DMXL1: variants seen among roughly 807,000 people sequenced by gnomAD.
DMXL1 encodes dmX-like protein 1.
DMXL1 carries 99 observed loss-of-function variants against 319.2 expected under a neutral mutation model. The observed-to-expected ratio is 0.31, with a 90% CI of 0.26 to 0.37. The LOEUF (loss-of-function observed/expected upper bound fraction) is 0.37, where lower values mean the gene tolerates loss of function less well. Among genes scored for constraint, DMXL1 ranks in the 10% least tolerant of loss-of-function variants. The pLI, the probability that DMXL1 is intolerant of heterozygous loss-of-function variation, is 1.00. For missense variants in DMXL1, 3,745 were observed against 3,595.6 expected (o/e 1.04, Z -1.06); for synonymous variants, 1,385 against 1,235.2 (o/e 1.12, Z -2.54).
chr5:119,157,237 A>G (rs1771293194), intron 19 of DMXL1, among the ~76,000 whole-genome samples: 1 of 152,198 alleles, frequency 6.6e-6, no homozygotes, highest in Non-Finnish European at 1.5e-5. Context: ...CTTATCAGAT[A>G]TACAGATTGC....
At chr5:119,217,465 A>G (rs572667091) in intron 35 of DMXL1, among the ~76,000 whole-genome samples, 1 of 152,052 alleles carries the variant, frequency 6.6e-6, no homozygotes. Context: ...ATGTCTATAC[A>G]CTCCTCACAG....
Position 119,171,297 on chromosome 5 carries a change from A to G in DMXL1, c.6489+17A>G, listed in dbSNP as rs1368370453. The G allele has an allele frequency of 1.9e-6, 3 of 1,556,848 alleles. No homozygotes were observed. Among genetic ancestry groups the G allele is most frequent in the South Asian group, 1.2e-5 (1 of 81,906 alleles). ...TCTCAGCAGGTATGTAATTTACTTG[A>G]TAGTCAAAAATGGTACATGTCTAAA... On this transcript the variant is annotated intron_variant, in intron 24 of 43. Coordinates refer to ENST00000539542, the MANE Select transcript of DMXL1 (RefSeq NM_001290321.3).
chr5:119,159,788 T>C (rs117948925), intron 19 of DMXL1, among the ~76,000 whole-genome samples: 10,299 of 152,220 alleles, frequency 0.068, 434 homozygotes, highest in South Asian at 0.14. Flanking sequence ...CACACCCAGC[T>C]AATTTTTGTA....
chr5:119,178,754 G>A, intron 28 of DMXL1: 3 of 555,808 alleles, frequency 5.4e-6, no homozygotes, highest in Non-Finnish European at 6.9e-6. Context: ...TTGAGGGGTT[G>A]GGGTACAGTG....
At chr5:119,134,538 A>AC in intron 13 of DMXL1, 149 bp downstream of exon 13, 1 of 727,342 alleles carries the variant, frequency 1.4e-6, no homozygotes. Context: ...TACTCTTGTA[A>AC]TGATTTAAAG....
intron 34 of DMXL1, among the ~76,000 whole-genome samples, chr5:119,210,242 C>A (rs1389023183): frequency 6.6e-6 from 1 of 152,184 alleles, no homozygotes; most frequent in African/African-American, 2.4e-5. Context: ...TGAACCACCG[C>A]AGCCGGCCAC....
intron 34 of DMXL1, among the ~76,000 whole-genome samples, chr5:119,210,654 C>G (rs920648849): frequency 2.0e-5 from 3 of 151,838 alleles, no homozygotes; most frequent in Admixed American, 1.3e-4. Flanking sequence ...ATGGTAATAG[C>G]TCACTGTCTT....
chr5:119,096,237 C>A (rs924192274), intron 1 of DMXL1, among the ~76,000 whole-genome samples: 1 of 149,286 alleles, frequency 6.7e-6, no homozygotes, highest in Non-Finnish European at 1.5e-5. Flanking sequence ...AGTGCAGTGG[C>A]GCGATCTCAG....
At position 119,128,259 on chromosome 5, in the gene DMXL1, A is replaced by G. The variant is rs74437389; in HGVS notation, c.1103-952A>G. On this transcript the variant is annotated intron_variant, in intron 9 of 43. Coordinates refer to ENST00000539542, the MANE Select transcript of DMXL1 (RefSeq NM_001290321.3). ...TGAAGAATAATGAGTTGATTAATGT[A>G]AAGTTTCTGAATCCAGATTTCCCCA... 1,717 of 300,226 alleles carry G rather than the reference A, an allele frequency of 5.7e-3. 32 individuals are homozygous for G. Among genetic ancestry groups the G allele is most frequent in the African/African-American group, 0.037 (1,640 of 44,664 alleles). 18.6% of individuals were successfully genotyped at this position (300,226 alleles called of 1,614,324 possible). A position where few individuals can be genotyped will look rare whatever the true frequency, so the allele number is the denominator to read the frequency against.
chr5:119,199,579 C>T (rs1218925892), intron 32 of DMXL1, among the ~76,000 whole-genome samples: 3 of 152,154 alleles, frequency 2.0e-5, no homozygotes, highest in East Asian at 3.9e-4. Flanking sequence ...TAGGTATATA[C>T]CCAGTAATGG....
chr5:119,096,645 A>G (rs2149775037), intron 1 of DMXL1, among the ~76,000 whole-genome samples: 1 of 152,314 alleles, frequency 6.6e-6, no homozygotes, highest in Admixed American at 6.5e-5. Context: ...TGTACCCTGT[A>G]ATGGAAAAAA....
intron 3 of DMXL1, chr5:119,104,301 T>G (rs905780968): frequency 1.3e-5 from 2 of 152,234 alleles, no homozygotes; most frequent in African/African-American, 4.8e-5. Flanking sequence ...TGAAAGACAT[T>G]CCTGCAAGGC....
intron 32 of DMXL1, among the ~76,000 whole-genome samples, chr5:119,198,883 A>C (rs1780148992): frequency 6.6e-6 from 1 of 152,134 alleles, no homozygotes; most frequent in African/African-American, 2.4e-5. Context: ...CCTGGTACCC[A>C]GTAGTTATTT....
intron 32 of DMXL1, among the ~76,000 whole-genome samples, chr5:119,202,503 A>G (rs540834093): frequency 3.9e-5 from 6 of 152,320 alleles, no homozygotes; most frequent in South Asian, 2.1e-4. Flanking sequence ...ACATGATGCT[A>G]TAAGTAGAAA....
intron 4 of DMXL1, among the ~76,000 whole-genome samples, chr5:119,108,633 A>G (rs780908432): frequency 2.6e-5 from 4 of 152,076 alleles, no homozygotes; most frequent in Non-Finnish European, 5.9e-5. Context: ...TTGCCCAGAC[A>G]GGTCTTGAAC....
At position 119,150,292 on chromosome 5, in the gene DMXL1, C is replaced by CGAA. The variant is rs1311965267; in HGVS notation, c.4465_4466insGAA (p.Leu1489delinsArgIle). ...CTTTGGACCTGAGCATGCTCAGGTT[C>CGAA]TTTCTGGCCACTTACTTCATTCTAG... On this transcript the variant is annotated protein_altering_variant, in exon 18 of 44. Coordinates refer to ENST00000539542, the MANE Select transcript of DMXL1 (RefSeq NM_001290321.3). 6.2e-7 allele frequency: 1 copy of CGAA among 1,613,778 alleles called. No homozygotes were observed. The highest frequency in any genetic ancestry group is 8.5e-7 in the Non-Finnish European group (1 of 1,179,840).
In DMXL1 at chr5:119,105,254, C is replaced by G. The variant is rs534321516; in HGVS notation, c.360C>G (p.Pro120=). The G allele has an allele frequency of 2.3e-5, 37 of 1,611,294 alleles. No individual in the cohort carries two copies. Among genetic ancestry groups the G allele is most frequent in the Admixed American group, 2.2e-4 (13 of 59,960 alleles). ...ESIAHNITWD[P]TGSRLLTGSS... is the part of the protein sequence containing the mutation. ...TAGCACACAATATAACCTGGGATCC[C>G]ACAGGTAAGAAAATAAGCAGGATTA... is the stretch of plus-strand genomic sequence containing the variant. The change falls in exon 4 of 44, where the codon CCC becomes CCG. Residue 120 remains proline (P), a synonymous_variant. Coordinates refer to ENST00000539542, the MANE Select transcript of DMXL1 (RefSeq NM_001290321.3).
At chr5:119,166,909 T>C (rs1191171278) in intron 22 of DMXL1, 128 bp downstream of exon 22, 13 of 679,460 alleles carry the variant, frequency 1.9e-5, no homozygotes, top group Non-Finnish European at 2.8e-5. Context: ...CTGAAATAAC[T>C]GTTAATATTT....
At chr5:119,133,018 C>G (rs1036124016) in intron 10 of DMXL1, 114 bp from the exon 11 acceptor site, 5 of 1,154,114 alleles carry the variant, frequency 4.3e-6, no homozygotes, top group Non-Finnish European at 6.1e-6. Context: ...AGCTTCCATG[C>G]TCTCCTTAGG....
Sources: gnomAD v4.1 joint callset for allele counts (sites outside exome capture counted in the v4.1 genomes callset) on GRCh38, gnomAD v4.1.1 for gene constraint, MANE v1.5 for transcripts, NCBI Gene and HGNC (gene_info 2026-07-23, HGNC 2026-07-21) for gene names.